Variants in TRPS1 observed in about 807,000 individuals in gnomAD.
TRPS1 encodes zinc finger transcription factor Trps1.
A neutral mutation model predicts 101.2 loss-of-function variants in TRPS1; 6 were observed. That is an observed-to-expected ratio of 0.06 (90% CI 0.03 to 0.12). TRPS1 has a LOEUF of 0.12. Ranked by LOEUF, TRPS1 falls within the 10% of genes least tolerant of loss-of-function variation. TRPS1 has a pLI of 1.00. For missense variants in TRPS1, 1,363 were observed against 1,567.0 expected, an observed-to-expected ratio of 0.87 and a Z score of 2.20; for synonymous variants, 578 against 589.8, an observed-to-expected ratio of 0.98 and a Z score of 0.29.
chr8:115,488,266 T>C (rs1399456223), intron 5 of TRPS1, among the ~76,000 whole-genome samples: 2 of 152,244 alleles, frequency 1.3e-5, no homozygotes, highest in Non-Finnish European at 2.9e-5. Context: ...TACAGTATAA[T>C]GTAAACATAA....
chr8:115,519,719 A>G (rs537872359), intron 5 of TRPS1, among the ~76,000 whole-genome samples: 1 of 151,806 alleles, frequency 6.6e-6, no homozygotes, highest in African/African-American at 2.4e-5. Context: ...ATTAATAACA[A>G]TATGGAAAGA....
chr8:115,600,996 C>T (rs1218486238), intron 4 of TRPS1, among the ~76,000 whole-genome samples: 1 of 152,100 alleles, frequency 6.6e-6, no homozygotes, highest in Non-Finnish European at 1.5e-5. Context: ...ATCATGTTTG[C>T]AGTTCCACCA....
chr8:115,632,056 G>T (rs746670556), intron 1 of TRPS1, among the ~76,000 whole-genome samples: 8 of 151,990 alleles, frequency 5.3e-5, no homozygotes, highest in Non-Finnish European at 8.8e-5. Context: ...TTACACAGAG[G>T]AAAGTTCATT....
intron 5 of TRPS1, among the ~76,000 whole-genome samples, chr8:115,522,286 AG>A (rs1815884625): frequency 1.3e-5 from 2 of 151,932 alleles, no homozygotes; most frequent in Non-Finnish European, 2.9e-5. Flanking sequence ...GGCATTTATG[AG>A]CTTTGCATAT....
chr8:115,440,042 G>C (rs1036942471), intron 5 of TRPS1, among the ~76,000 whole-genome samples: 5 of 152,192 alleles, frequency 3.3e-5, no homozygotes, highest in African/African-American at 1.2e-4. Context: ...AATTGCCACA[G>C]AGTTTGCTGC....
In TRPS1 at chr8:115,604,672, GGGGCTTTAT is replaced by G. The variant is rs769285679; in HGVS notation, c.1288_1296del (p.Ile430_Pro432del). ...GTACCATTTTGTCTAGAGGAATCGA[GGGGCTTTAT>G]GGGCACTGAGTACCCAACAGGAGTG... is the stretch of plus-strand genomic sequence containing the variant. On this transcript the variant is annotated inframe_deletion, in exon 4 of 7. Coordinates refer to ENST00000395715, the MANE Select transcript of TRPS1 (RefSeq NM_014112.5). The surrounding 1 kb of genome is among the most constrained non-coding windows in gnomAD (Gnocchi z 4.1). The G allele has an allele frequency of 6.2e-7, 1 of 1,613,966 alleles. No homozygotes were observed. The highest frequency in any genetic ancestry group is 1.1e-5 in the South Asian group (1 of 91,080).
At chr8:115,515,088 TGAA>T in intron 5 of TRPS1, 2 of 588,084 alleles carry the variant, frequency 3.4e-6, no homozygotes, top group Non-Finnish European at 6.1e-6. Context: ...TCAAGAGAAA[TGAA>T]GTAACTTTCT....
intron 1 of TRPS1, among the ~76,000 whole-genome samples, chr8:115,634,235 TAC>T (rs1245779430): frequency 4.6e-5 from 7 of 152,304 alleles, no homozygotes; most frequent in African/African-American, 1.4e-4. Context: ...AGTCCAAGAC[TAC>T]AGTCACCTAA....
intron 5 of TRPS1, among the ~76,000 whole-genome samples, chr8:115,526,528 T>C (rs1816004092): frequency 1.3e-5 from 2 of 152,080 alleles, no homozygotes; most frequent in African/African-American, 2.4e-5. Context: ...CATCTACAAT[T>C]TGGACAAAAA....
At chr8:115,623,895 A>G (rs757762875) in intron 1 of TRPS1, 137 bp from the exon 2 acceptor site, 4 of 712,028 alleles carry the variant, frequency 5.6e-6, no homozygotes, top group Non-Finnish European at 8.0e-6. Context: ...AATCTGGAGC[A>G]AGATCCTCTC....
At chr8:115,608,527 T>G (rs776725142) in intron 3 of TRPS1, among the ~76,000 whole-genome samples, 44 of 152,314 alleles carry the variant, frequency 2.9e-4, no homozygotes, top group East Asian at 7.7e-4. Flanking sequence ...CTAGAGGAAG[T>G]TCTCTAGCTC....
At chr8:115,667,907 C>T in intron 1 of TRPS1, 1 of 1,535,552 alleles carries the variant, frequency 6.5e-7, no homozygotes, top group Non-Finnish European at 8.7e-7. Context: ...CTGCGCCCCG[C>T]TTGTCACGAG....
intron 5 of TRPS1, among the ~76,000 whole-genome samples, chr8:115,499,915 ATTTC>A (rs373053040): frequency 0.14 from 18,618 of 134,462 alleles, 1,604 homozygotes; most frequent in Non-Finnish European, 0.17. Context: ...AAAGTGCTAA[ATTTC>A]TTTCTTTCTT....
intron 5 of TRPS1, among the ~76,000 whole-genome samples, chr8:115,576,937 A>T (rs896072989): frequency 2.6e-5 from 4 of 152,322 alleles, no homozygotes; most frequent in Non-Finnish European, 5.9e-5. Context: ...CTTTAAAAAC[A>T]TCCAACCTTC....
intron 2 of TRPS1, among the ~76,000 whole-genome samples, 182 bp from the exon 3 acceptor site, chr8:115,620,242 C>T (rs1414874988): frequency 1.3e-5 from 2 of 151,296 alleles, no homozygotes; most frequent in Non-Finnish European, 2.9e-5. Flanking sequence ...AAACAATTTA[C>T]ATTTAGAATT....
intron 5 of TRPS1, among the ~76,000 whole-genome samples, chr8:115,546,895 A>G (rs1263566282): frequency 6.6e-6 from 1 of 152,168 alleles, no homozygotes; most frequent in Admixed American, 6.5e-5. Context: ...ACAAGAGGCA[A>G]TTATTAAATA....
At chr8:115,594,372 A>T (rs1817741448) in intron 4 of TRPS1, among the ~76,000 whole-genome samples, 1 of 152,104 alleles carries the variant, frequency 6.6e-6, no homozygotes. Flanking sequence ...TAAAACACAG[A>T]ATGCTCAGTT....
At chr8:115,428,815 T>G (rs1174103282) in intron 5 of TRPS1, among the ~76,000 whole-genome samples, 1 of 152,210 alleles carries the variant, frequency 6.6e-6, no homozygotes, top group Non-Finnish European at 1.5e-5. Context: ...TCTCATTTAA[T>G]TCAATTTTGT....
intron 5 of TRPS1, among the ~76,000 whole-genome samples, chr8:115,502,747 CA>C (rs1815348987): frequency 2.6e-5 from 4 of 152,138 alleles, no homozygotes; most frequent in Non-Finnish European, 5.9e-5. Flanking sequence ...TATACACATA[CA>C]CACATACATG....
Sources: gnomAD v4.1 joint callset for allele counts (sites outside exome capture counted in the v4.1 genomes callset) on GRCh38, gnomAD v4.1.1 for gene constraint, Gnocchi (gnomAD v3.1) non-coding constraint, MANE v1.5 for transcripts, NCBI Gene and HGNC (gene_info 2026-07-23, HGNC 2026-07-21) for gene names.